Variants in GRAMD1B observed in about 807,000 individuals in gnomAD.
The protein encoded by GRAMD1B is protein Aster-B.
Under a neutral mutation model 99.7 loss-of-function variants are expected in GRAMD1B, and 37 were observed. The ratio of observed to expected loss-of-function variants is 0.37; its 90% CI spans 0.29 to 0.49. The LOEUF (loss-of-function observed/expected upper bound fraction) is 0.49, where lower values mean the gene tolerates loss of function less well. Among genes scored for constraint, GRAMD1B ranks in the 20% least tolerant of loss-of-function variants. The pLI is 0.98. For synonymous variants in GRAMD1B, 427 were observed against 387.6 expected, an observed-to-expected ratio of 1.10 and a Z score of -1.19; for missense variants, 888 against 1,009.2, an observed-to-expected ratio of 0.88 and a Z score of 1.63.
intron 12 of GRAMD1B, among the ~76,000 whole-genome samples, chr11:123,609,275 A>T (rs542927732): frequency 6.6e-6 from 1 of 152,046 alleles, no homozygotes; most frequent in Non-Finnish European, 1.5e-5. Flanking sequence ...CGGGCCTCAC[A>T]TCTAGGATCT....
chr11:123,530,197 C>G (rs1318927471), intron 2 of GRAMD1B, among the ~76,000 whole-genome samples: 1 of 66,308 alleles, frequency 1.5e-5, no homozygotes, highest in Non-Finnish European at 3.6e-5. Flanking sequence ...CTGGGAGGGT[C>G]CATTTTTTTT....
intron 17 of GRAMD1B, among the ~76,000 whole-genome samples, chr11:123,617,169 C>CTTTTTTTTTTTTT (rs34788392): frequency 9.6e-4 from 128 of 133,628 alleles, no homozygotes; most frequent in Non-Finnish European, 1.5e-3. Flanking sequence ...TCTTTCTTTC[C>CTTTTTTTTTTTTT]TTTTTTTTTT....
intron 3 of GRAMD1B, chr11:123,578,514 C>A: frequency 1.0e-6 from 1 of 964,182 alleles, no homozygotes; most frequent in South Asian, 1.4e-5. Context: ...CCCTCTGGCC[C>A]TGCCGATTCT....
intron 1 of GRAMD1B, among the ~76,000 whole-genome samples, chr11:123,360,591 G>A (rs1340518770): frequency 6.6e-6 from 1 of 152,160 alleles, no homozygotes; most frequent in African/African-American, 2.4e-5. Flanking sequence ...TGGTGATAGT[G>A]TTGGAAGGAA....
At chr11:123,387,950 C>G (rs916086265) in intron 1 of GRAMD1B, among the ~76,000 whole-genome samples, 2 of 151,340 alleles carry the variant, frequency 1.3e-5, no homozygotes, top group African/African-American at 2.4e-5. Context: ...ATGGCAAAAC[C>G]CCATCTCTAC....
At chr11:123,573,644 C>A (rs556569467) in intron 2 of GRAMD1B, among the ~76,000 whole-genome samples, 1 of 152,144 alleles carries the variant, frequency 6.6e-6, no homozygotes, top group African/African-American at 2.4e-5. Flanking sequence ...AAATATATCA[C>A]CTGAAAAATG....
At chr11:123,584,892 G>A (rs896635878) in intron 4 of GRAMD1B, among the ~76,000 whole-genome samples, 1 of 152,166 alleles carries the variant, frequency 6.6e-6, no homozygotes, top group Non-Finnish European at 1.5e-5. Flanking sequence ...TCATCCTGGG[G>A]CGCCCTGTGC....
intron 7 of GRAMD1B, chr11:123,597,892 G>C (rs893644198): frequency 2.4e-6 from 2 of 846,546 alleles, no homozygotes; most frequent in Non-Finnish European, 4.1e-6. Flanking sequence ...AGAACAAGCA[G>C]ATCTCAGGGA....
upstream of GRAMD1B, among the ~76,000 whole-genome samples, chr11:123,430,132 G>C (rs1052584821): frequency 1.3e-5 from 2 of 152,076 alleles, no homozygotes; most frequent in Non-Finnish European, 2.9e-5. Context: ...GTCCCTCCCC[G>C]AGGGAATCCG....
Position 123,560,683 on chromosome 11 carries a change from C to CGTGT in GRAMD1B, c.453-16635_453-16632dup, listed in dbSNP as rs749623875. ...TGCTAACTCGTGCTGACGCCTGGTGCGTGTGTGTGTGTGTGTGTGTGTGTG... is the reference window on the plus strand; with the variant it reads ...TGCTAACTCGTGCTGACGCCTGGTGCGTGTGTGTGTGTGTGTGTGTGTGTGTGTG... On this transcript the variant is annotated intron_variant, in intron 2 of 19. Coordinates refer to ENST00000635736, the MANE Select transcript of GRAMD1B (RefSeq NM_001387025.1). 1.1e-3 allele frequency: 475 copies of CGTGT among 426,298 alleles called. 2 individuals are homozygous for CGTGT. The highest frequency in any genetic ancestry group is 1.8e-3 in the Admixed American group (72 of 40,096). 26.4% of individuals were successfully genotyped at this position (426,298 alleles called of 1,614,324 possible). A position where few individuals can be genotyped will look rare whatever the true frequency, so the allele number is the denominator to read the frequency against.
intron 2 of GRAMD1B, among the ~76,000 whole-genome samples, chr11:123,515,695 A>G (rs969949381): frequency 6.6e-6 from 1 of 152,224 alleles, no homozygotes. Flanking sequence ...ACATAGAACT[A>G]CCACCACTAT....
intron 2 of GRAMD1B, among the ~76,000 whole-genome samples, chr11:123,523,557 C>G (rs4936820): frequency 6.6e-6 from 1 of 150,746 alleles, no homozygotes; most frequent in Non-Finnish European, 1.5e-5. Flanking sequence ...AAAAAAACAG[C>G]TAGAGCAAAA....
At chr11:123,563,394 G>T (rs1946999733) in intron 2 of GRAMD1B, among the ~76,000 whole-genome samples, 1 of 152,172 alleles carries the variant, frequency 6.6e-6, no homozygotes, top group Non-Finnish European at 1.5e-5. Flanking sequence ...TTCACTCAAA[G>T]AAAGGAGGAT....
At chr11:123,564,885 T>C (rs1947175259) in intron 2 of GRAMD1B, among the ~76,000 whole-genome samples, 1 of 152,230 alleles carries the variant, frequency 6.6e-6, no homozygotes, top group South Asian at 2.1e-4. Context: ...GGAAGGGGCT[T>C]CCTGGGAGAG....
chr11:123,564,581 A>G (rs573521574), intron 2 of GRAMD1B, among the ~76,000 whole-genome samples: 1 of 152,290 alleles, frequency 6.6e-6, no homozygotes, highest in South Asian at 2.1e-4. Context: ...AGTTCATTAC[A>G]TGTCTGTCTC....
chr11:123,610,469 C>T lies in GRAMD1B; in HGVS notation c.1919+131C>T, dbSNP rs749240242. On this transcript the variant is annotated intron_variant, in intron 14 of 19. Coordinates refer to ENST00000635736, the MANE Select transcript of GRAMD1B (RefSeq NM_001387025.1). This position sits in a 1 kb window ranked among gnomAD's most constrained non-coding sequence, Gnocchi z 4.1. ...GACTCTCTTTATTCTACTTTCTCTC[C>T]GAAGCCTTATGAGGCTCACCCACCA... 2.4e-4 allele frequency: 207 copies of T among 873,972 alleles called. 1 individual carries two copies. Among genetic ancestry groups the T allele is most frequent in the Admixed American group, 1.3e-3 (67 of 50,734 alleles). The allele number at this position is 873,972 out of a possible 1,614,324, so 54.1% of individuals were successfully genotyped here. A position where few individuals can be genotyped will look rare whatever the true frequency, so the allele number is the denominator to read the frequency against.
At chr11:123,519,779 G>A (rs1003835559) in intron 2 of GRAMD1B, among the ~76,000 whole-genome samples, 2 of 152,244 alleles carry the variant, frequency 1.3e-5, no homozygotes, top group African/African-American at 4.8e-5. Flanking sequence ...CTCCAGATAG[G>A]GAGCCAGAGG....
intron 1 of GRAMD1B, among the ~76,000 whole-genome samples, chr11:123,403,833 C>T (rs548125258): frequency 1.2e-3 from 185 of 152,150 alleles, no homozygotes; most frequent in African/African-American, 4.2e-3. Flanking sequence ...CGTGAGCCAC[C>T]GCGCCCGGCC....
intron 1 of GRAMD1B, among the ~76,000 whole-genome samples, chr11:123,400,347 T>G (rs963701534): frequency 5.9e-5 from 9 of 152,024 alleles, no homozygotes; most frequent in Non-Finnish European, 1.0e-4. Context: ...CATGGTGGCA[T>G]GTACCTATAA....
Sources: allele counts gnomAD v4.1 joint callset (sites outside exome capture counted in the v4.1 genomes callset), GRCh38; gene constraint gnomAD v4.1.1; non-coding constraint Gnocchi (gnomAD v3.1); transcripts MANE v1.5; gene names NCBI Gene and HGNC (gene_info 2026-07-23, HGNC 2026-07-21).